The following MITF variants were observed in gnomAD, a reference collection of about 807,000 sequenced individuals.
The protein encoded by MITF is melanocyte inducing transcription factor.
A neutral mutation model predicts 60.5 loss-of-function variants in MITF; 17 were observed. The ratio of observed to expected loss-of-function variants is 0.28; its 90% CI spans 0.19 to 0.42. The LOEUF (loss-of-function observed/expected upper bound fraction) is 0.42. MITF is among the 10% of genes least tolerant of loss of function. The probability of loss-of-function intolerance (pLI) is 1.00; values close to 1 mark genes in which losing one functional copy is unlikely to be tolerated. For synonymous variants in MITF, 260 were observed against 248.5 expected (o/e 1.05, Z -0.43); for missense variants, 622 against 683.5 (o/e 0.91, Z 1.00).
At chr3:69,939,222 A>G (rs2065913495) in intron 4 of MITF, 41 bp downstream of exon 4, 5 of 1,548,338 alleles carry the variant, frequency 3.2e-6, no homozygotes, top group Non-Finnish European at 4.5e-6. Context: ...ACACTTTGTA[A>G]TGAGAATCTA....
chr3:69,783,302 A>T (rs1459951869), intron 1 of MITF, among the ~76,000 whole-genome samples: 1 of 152,118 alleles, frequency 6.6e-6, no homozygotes, highest in Non-Finnish European at 1.5e-5. Context: ...CCATCTGTAC[A>T]GTATTAGATT....
intron 1 of MITF, among the ~76,000 whole-genome samples, chr3:69,761,573 G>T (rs1048936315): frequency 1.3e-5 from 2 of 152,188 alleles, no homozygotes; most frequent in Admixed American, 6.5e-5. Flanking sequence ...GAATGGAAAG[G>T]AGACTAGGTT....
At chr3:69,938,332 T>G in intron 3 of MITF, 5 of 1,564,508 alleles carry the variant, frequency 3.2e-6, no homozygotes, top group Non-Finnish European at 4.3e-6. Context: ...GAGTGCTCTC[T>G]TCTCTTCCAT....
intron 2 of MITF, among the ~76,000 whole-genome samples, chr3:69,894,183 C>T (rs184770814): frequency 8.1e-4 from 124 of 152,326 alleles, no homozygotes; most frequent in African/African-American, 2.9e-3. Context: ...GTTCAAAATA[C>T]ATTTAATCAC....
chr3:69,923,427 C>G (rs1260841996), intron 2 of MITF, among the ~76,000 whole-genome samples: 2 of 152,188 alleles, frequency 1.3e-5, no homozygotes, highest in Non-Finnish European at 2.9e-5. Context: ...TCATTGCAAC[C>G]TCTGCCTCCC....
Position 69,946,471 on chromosome 3 carries a change from G to A in MITF, c.763-2580G>A, listed in dbSNP as rs553494622. Among the ~76,000 whole-genome samples the A allele has an allele frequency of 5.9e-5, 9 of 152,232 alleles. No homozygotes were observed. The South Asian group carries it at 1.0e-3, about 18-fold the overall frequency. On this transcript the variant is annotated intron_variant, in intron 5 of 9. Coordinates refer to ENST00000352241, the MANE Select transcript of MITF (RefSeq NM_001354604.2). Reference sequence around the variant, plus strand: ...CCCAGTTCTGCTGTTAACATGGGACGTGAGCCTCCGACCAAAAACCTCCAT... The same window carrying A: ...CCCAGTTCTGCTGTTAACATGGGACATGAGCCTCCGACCAAAAACCTCCAT...
chr3:69,821,286 G>A lies in MITF; in HGVS notation c.105-57848G>A, dbSNP rs917189592. 5.9e-5 allele frequency among the ~76,000 whole-genome samples: 9 copies of A among 152,258 alleles called. No individual in the cohort carries two copies. In the East Asian group the frequency reaches 1.7e-3, roughly 29 times the overall value. On this transcript the variant is annotated intron_variant, in intron 1 of 9. Transcript: ENST00000352241. Reference sequence around the variant, plus strand: ...GCATTTGGGAGCATACACATTAAATGGGTTATAAATAGTATCTGCCCTGAC... The same window carrying A: ...GCATTTGGGAGCATACACATTAAATAGGTTATAAATAGTATCTGCCCTGAC...
chr3:69,768,615 T>G (rs941449953), intron 1 of MITF, among the ~76,000 whole-genome samples: 1 of 152,222 alleles, frequency 6.6e-6, no homozygotes, highest in Non-Finnish European at 1.5e-5. Context: ...TTACCGGTGT[T>G]TGGAATTCAT....
At chr3:69,868,893 C>A (rs2064168365) in intron 1 of MITF, among the ~76,000 whole-genome samples, 1 of 145,818 alleles carries the variant, frequency 6.9e-6, no homozygotes, top group South Asian at 2.2e-4. Context: ...AGGCAAGACT[C>A]CATCTCAAAA....
At chr3:69,913,752 G>A (rs949601924) in intron 2 of MITF, among the ~76,000 whole-genome samples, 2 of 152,150 alleles carry the variant, frequency 1.3e-5, no homozygotes, top group African/African-American at 4.8e-5. Flanking sequence ...TCATCCTAAC[G>A]AACGTATTAA....
intron 1 of MITF, among the ~76,000 whole-genome samples, chr3:69,849,616 TAATG>T (rs1360871862): frequency 6.6e-6 from 1 of 152,184 alleles, no homozygotes; most frequent in East Asian, 1.9e-4. Flanking sequence ...GGTGAATAGC[TAATG>T]AGAAATGGGA....
At chr3:69,934,291 A>G (rs2065784427) in intron 2 of MITF, among the ~76,000 whole-genome samples, 1 of 152,202 alleles carries the variant, frequency 6.6e-6, no homozygotes, top group African/African-American at 2.4e-5. Flanking sequence ...TCCGAAGGCT[A>G]CATGTCGTGT....
intron 1 of MITF, among the ~76,000 whole-genome samples, chr3:69,867,457 TCTG>T (rs1227968221): frequency 6.6e-6 from 1 of 152,204 alleles, no homozygotes; most frequent in Non-Finnish European, 1.5e-5. Flanking sequence ...AGCTTCTATT[TCTG>T]CTGCAGTTTG....
At chr3:69,781,260 G>A (rs1445279396) in intron 1 of MITF, among the ~76,000 whole-genome samples, 1 of 152,150 alleles carries the variant, frequency 6.6e-6, no homozygotes, top group Non-Finnish European at 1.5e-5. Context: ...ACGTGACCAG[G>A]TTGTTAATGT....
At chr3:69,873,893 A>G (rs920901344) in intron 1 of MITF, among the ~76,000 whole-genome samples, 1 of 152,192 alleles carries the variant, frequency 6.6e-6, no homozygotes, top group Non-Finnish European at 1.5e-5. Context: ...TTACCTAAAC[A>G]AATCAGAATT....
intron 1 of MITF, among the ~76,000 whole-genome samples, chr3:69,877,913 G>A (rs919433266): frequency 1.4e-4 from 21 of 152,136 alleles, no homozygotes; most frequent in African/African-American, 5.1e-4. Flanking sequence ...TTTCTCAAAT[G>A]TTCCTTTTCT....
chr3:69,848,489 G>A (rs2063768974), intron 1 of MITF, among the ~76,000 whole-genome samples: 1 of 152,178 alleles, frequency 6.6e-6, no homozygotes. Flanking sequence ...ATGGATTCCA[G>A]TATGATACTT....
In MITF at chr3:69,739,671, A is replaced by C; in HGVS notation, c.74A>C (p.Tyr25Ser). The C allele has an allele frequency of 6.3e-7, 1 of 1,579,960 alleles. No homozygotes were observed. The highest frequency in any genetic ancestry group is 1.8e-5 in the Admixed American group (1 of 55,210). Residue 25 changes from tyrosine (Y) to serine (S), a missense_variant, in exon 1 of 10, where the codon TAC becomes TCC. Transcript: ENST00000352241. Reference protein sequence around the residue: ...EEFHEEPKTYYELKSQPLKSS... With the variant: ...EEFHEEPKTYSELKSQPLKSS... ...TTTCATGAAGAGCCCAAAACCTATTACGAACTCAAAAGTCAACCGCTGAAG... is the reference window on the plus strand; with the variant it reads ...TTTCATGAAGAGCCCAAAACCTATTCCGAACTCAAAAGTCAACCGCTGAAG...
At position 69,787,073 on chromosome 3, in the gene MITF, T is replaced by TGA. The variant is rs148567536; in HGVS notation, c.104+47385_104+47386dup. On this transcript the variant is annotated intron_variant, in intron 1 of 9. Transcript: ENST00000352241. ...GCTGCTTATTCTCTCCCGCATGTGG[T>TGA]GAGAGAGAGAGAGATTGATTTCTGG... Among the ~76,000 whole-genome samples, 9 of 151,880 alleles carry TGA rather than the reference T, an allele frequency of 5.9e-5. No homozygotes were observed. In the South Asian group the frequency reaches 6.3e-4, roughly 11 times the overall value.
Sources: gnomAD v4.1 joint callset for allele counts (sites outside exome capture counted in the v4.1 genomes callset) on GRCh38, gnomAD v4.1.1 for gene constraint, MANE v1.5 for transcripts, NCBI Gene and HGNC (gene_info 2026-07-23, HGNC 2026-07-21) for gene names.